Variants in CELSR1 observed in about 807,000 individuals in gnomAD.
The protein encoded by CELSR1 is cadherin EGF LAG seven-pass G-type receptor 1, also known as adhesion G protein-coupled receptor C1.
A neutral mutation model predicts 249.1 loss-of-function variants in CELSR1; 110 were observed. The ratio of observed to expected loss-of-function variants is 0.44; its 90% CI spans 0.38 to 0.52. CELSR1 has a LOEUF of 0.52. Ranked by LOEUF, CELSR1 falls within the 20% of genes least tolerant of loss-of-function variation. The pLI is 0.00. For synonymous variants in CELSR1, 2,113 were observed against 1,900.0 expected, an observed-to-expected ratio of 1.11 and a Z score of -2.92; for missense variants, 4,109 against 4,296.4, an observed-to-expected ratio of 0.96 and a Z score of 1.22.
In CELSR1 at chr22:46,395,645, C is replaced by T. The variant is rs918793518; in HGVS notation, c.5843+960G>A. On this transcript the variant is annotated intron_variant, in intron 13 of 34. Coordinates refer to ENST00000674500, the MANE Select transcript of CELSR1 (RefSeq NM_001378328.1). The surrounding 1 kb of genome is among the most constrained non-coding windows in gnomAD (Gnocchi z 5.5). ...CTGCTTCCCACTCATGGGGTCACAG[C>T]CGGGATCACAGCACCTGCTCTAGGC... is the stretch of plus-strand genomic sequence containing the variant. Among the ~76,000 whole-genome samples the T allele has an allele frequency of 6.6e-6, 1 of 152,156 alleles. No homozygotes were observed. The highest frequency in any genetic ancestry group is 1.5e-5 in the Non-Finnish European group (1 of 68,012).
chr22:46,497,074 A>G (rs1231542148), intron 1 of CELSR1, among the ~76,000 whole-genome samples: 1 of 152,178 alleles, frequency 6.6e-6, no homozygotes, highest in Non-Finnish European at 1.5e-5. Context: ...AATGTGTTGC[A>G]CTATGACACT....
chr22:46,519,251 A>C (rs1476873049), intron 1 of CELSR1, among the ~76,000 whole-genome samples: 1 of 152,244 alleles, frequency 6.6e-6, no homozygotes, highest in African/African-American at 2.4e-5. Context: ...TAAACACCAC[A>C]AAATGGCTCA....
In CELSR1 at chr22:46,380,874, C is replaced by T. The variant is rs758947549; in HGVS notation, c.7170G>A (p.Leu2390=). ...CGAACTCCACCAGGACGGGCCTCTC[C>T]AGGGGTCTCGGGAGCGGAGCCCCCT... ...YSEGAPLPRP[L]ERPVLVEFAL... Residue 2390 remains leucine, a synonymous_variant, in exon 22 of 35, where the codon CTG becomes CTA. Transcript: ENST00000674500. The surrounding 1 kb of genome is among the most constrained non-coding windows in gnomAD (Gnocchi z 5.1). The T allele has an allele frequency of 6.2e-7, 1 of 1,613,072 alleles. No homozygotes were observed. Among genetic ancestry groups the T allele is most frequent in the Non-Finnish European group, 8.5e-7 (1 of 1,179,924 alleles).
intron 5 of CELSR1, among the ~76,000 whole-genome samples, chr22:46,415,932 G>C (rs2079394816): frequency 6.6e-6 from 1 of 152,266 alleles, no homozygotes; most frequent in Non-Finnish European, 1.5e-5. Context: ...AAGACAAAGT[G>C]CGTCTCCGCT....
rs547564687 is a variant in CELSR1, at chr22:46,380,302, G to C, written c.7256+486C>G. Among the ~76,000 whole-genome samples the C allele has an allele frequency of 7.5e-4, 115 of 152,346 alleles. No individual in the cohort carries two copies. The highest frequency in any genetic ancestry group is 2.6e-3 in the African/African-American group (110 of 41,586). ...GCCAGATAAACTGTGCTGCGGCCAGGTGTGGCCTCTTGGGGGTGAAGCCAG... is the reference window on the plus strand; with the variant it reads ...GCCAGATAAACTGTGCTGCGGCCAGCTGTGGCCTCTTGGGGGTGAAGCCAG... On this transcript the variant is annotated intron_variant, in intron 22 of 34. Transcript: ENST00000674500. The surrounding 1 kb of genome is among the most constrained non-coding windows in gnomAD (Gnocchi z 5.1).
rs955497317 is a variant in CELSR1 at position 46,381,868 on chromosome 22, C to T, written c.7066G>A (p.Asp2356Asn). The T allele has an allele frequency of 8.3e-6, 13 of 1,565,564 alleles. No individual in the cohort carries two copies. The highest frequency in any genetic ancestry group is 4.1e-5 in the African/African-American group (3 of 73,964). ...TLGQLLPERY[D>N]PDRRSLRLPH... ...TACCGGAGGCTGCGACGGTCGGGGT[C>T]GTAGCGCTCGGGCAGGAGCTGCCCC... The change falls in exon 21 of 35, where the codon GAC becomes AAC. Residue 2356 changes from aspartate (D) to asparagine (N), a missense_variant. Physicochemically the swap from Asp to Asn is conservative, Grantham distance 23. Transcript: ENST00000674500. The surrounding 1 kb of genome is among the most constrained non-coding windows in gnomAD (Gnocchi z 6.0).
intron 1 of CELSR1, among the ~76,000 whole-genome samples, chr22:46,510,453 C>A (rs1310277809): frequency 2.0e-5 from 3 of 152,110 alleles, no homozygotes; most frequent in African/African-American, 4.8e-5. Context: ...TGTCCCTGGA[C>A]AAAGGGACCG....
intron 22 of CELSR1, among the ~76,000 whole-genome samples, chr22:46,379,946 C>T (rs2078959073): frequency 6.6e-6 from 1 of 152,224 alleles, no homozygotes; most frequent in African/African-American, 2.4e-5. Context: ...CCAGTGCCTT[C>T]TTCTAAACAG....
Position 46,364,195 on chromosome 22 carries a change from G to A in CELSR1, c.8836C>T (p.Leu2946=). 1 of 1,611,926 alleles carries A rather than the reference G, an allele frequency of 6.2e-7. No individual in the cohort carries two copies. Among genetic ancestry groups the A allele is most frequent in the Non-Finnish European group, 8.5e-7 (1 of 1,179,784 alleles). ...PPPLTLTEQT[L]KGRLREKLAD... is the part of the protein sequence containing the mutation. ...AGCTTCTCCCGGAGCCGGCCCTTCA[G>A]CGTCTGCTCCGTCAGCGTCAGCGGC... Residue 2946 remains leucine (L), a synonymous_variant, in exon 34 of 35, where the codon CTG becomes TTG. Coordinates refer to ENST00000674500, the MANE Select transcript of CELSR1 (RefSeq NM_001378328.1).
chr22:46,370,132 G>A (rs748389321), intron 25 of CELSR1: 16 of 478,700 alleles, frequency 3.3e-5, no homozygotes, highest in Middle Eastern at 3.1e-4. Flanking sequence ...GAAGGCAGAC[G>A]GTGCTTGGGA....
chr22:46,504,504 CA>C (rs11341314), intron 1 of CELSR1, among the ~76,000 whole-genome samples: 52,387 of 108,456 alleles, frequency 0.48, 8,748 homozygotes, highest in East Asian at 0.74. Context: ...CATCTGTCTC[CA>C]AAAAAAAAAA....
chr22:46,466,461 C>T (rs2080097663), intron 1 of CELSR1, among the ~76,000 whole-genome samples: 1 of 152,220 alleles, frequency 6.6e-6, no homozygotes, highest in Non-Finnish European at 1.5e-5. Context: ...AAGAAGGCAG[C>T]ACTCCCGTCC....
At position 46,375,391 on chromosome 22, in the gene CELSR1, G is replaced by A. The variant is rs148025395; in HGVS notation, c.7584+1670C>T. 2.8e-4 allele frequency among the ~76,000 whole-genome samples: 42 copies of A among 152,042 alleles called. 1 individual carries two copies. The East Asian group carries it at 5.8e-3, about 21-fold the overall frequency. On this transcript the variant is annotated intron_variant, in intron 24 of 34. Coordinates refer to ENST00000674500, the MANE Select transcript of CELSR1 (RefSeq NM_001378328.1). ...CAAACTCCCCTGACTCCTCCTTCCT[G>A]CCTGCTCCATAACCGGTTGGTCCTG...
At position 46,397,819 on chromosome 22, in the gene CELSR1, G is replaced by T. The variant is rs374010740; in HGVS notation, c.5556C>A (p.Asn1852Lys). ...CGTTGTTCATGTTCAGGGTGGCGACGTTGGTGGGCGTCCCCCCCATCCTCA... is the reference window on the plus strand; with the variant it reads ...CGTTGTTCATGTTCAGGGTGGCGACTTTGGTGGGCGTCCCCCCCATCCTCA... ...QGVRMGGTPT[N>K]VATLNMNNAL... Residue 1852 changes from asparagine (N) to lysine (K), a missense_variant, in exon 12 of 35, where the codon AAC becomes AAA. By Grantham distance (94) the Asn-to-Lys change is moderately conservative. Transcript: ENST00000674500. 3.8e-6 allele frequency: 6 copies of T among 1,586,896 alleles called. No individual in the cohort carries two copies. The highest frequency in any genetic ancestry group is 2.6e-6 in the Non-Finnish European group (3 of 1,164,752).
At chr22:46,450,110 A>G (rs1322427711) in intron 2 of CELSR1, among the ~76,000 whole-genome samples, 1 of 152,176 alleles carries the variant, frequency 6.6e-6, no homozygotes, top group Non-Finnish European at 1.5e-5. Flanking sequence ...CTGCACAGAA[A>G]AGCCCAGGCG....
chr22:46,365,456 C>G, intron 31 of CELSR1, 76 bp from the exon 32 acceptor site: 1 of 1,579,100 alleles, frequency 6.3e-7, no homozygotes, highest in Non-Finnish European at 8.6e-7. Context: ...AGCAGAGCCA[C>G]TGGGCCCCTG....
rs961999506 is a variant in CELSR1 at position 46,526,047 on chromosome 22, G to A, written c.3544+7580C>T. ...CTCAACACCCTGGTCGGTACATGGG[G>A]CCAGACATAGACCTCTTGTCCCCGG... On this transcript the variant is annotated intron_variant, in intron 1 of 34. Transcript: ENST00000674500. This position sits in a 1 kb window ranked among gnomAD's most constrained non-coding sequence, Gnocchi z 4.7. 1.3e-5 allele frequency among the ~76,000 whole-genome samples: 2 copies of A among 152,222 alleles called. No homozygotes were observed. The highest frequency in any genetic ancestry group is 4.1e-4 in the South Asian group (2 of 4,834).
intron 1 of CELSR1, among the ~76,000 whole-genome samples, chr22:46,513,851 G>A (rs2080598633): frequency 6.6e-6 from 1 of 152,052 alleles, no homozygotes; most frequent in Non-Finnish European, 1.5e-5. Context: ...GAGTGCAGTG[G>A]CACAATCTCA....
rs934725442 is a variant in CELSR1 at position 46,517,806 on chromosome 22, AC to A, written c.3544+15820del. On this transcript the variant is annotated intron_variant, in intron 1 of 34. Transcript: ENST00000674500. This position sits in a 1 kb window ranked among gnomAD's most constrained non-coding sequence, Gnocchi z 5.4. Reference sequence around the variant, plus strand: ...CATGGCTATGGCACTTGGCATTGAGACCCAGAGGGAAAGGGAGGGTGAGCTG... The same window carrying A: ...CATGGCTATGGCACTTGGCATTGAGACCAGAGGGAAAGGGAGGGTGAGCTG... 2.6e-5 allele frequency among the ~76,000 whole-genome samples: 4 copies of A among 151,974 alleles called. No individual in the cohort carries two copies. Among genetic ancestry groups the A allele is most frequent in the African/African-American group, 9.7e-5 (4 of 41,358 alleles).
Sources: gnomAD v4.1 joint callset for allele counts (sites outside exome capture counted in the v4.1 genomes callset) on GRCh38, gnomAD v4.1.1 for gene constraint, Gnocchi (gnomAD v3.1) non-coding constraint, MANE v1.5 for transcripts, NCBI Gene and HGNC (gene_info 2026-07-23, HGNC 2026-07-21) for gene names.